ANOS1: variants seen among roughly 807,000 people sequenced by gnomAD.
ANOS1 encodes anosmin 1.
ANOS1 carries 6 observed loss-of-function variants against 59.0 expected under a neutral mutation model. That is an observed-to-expected ratio of 0.10 (90% CI 0.06 to 0.20). The LOEUF is 0.20. ANOS1 is among the 10% of genes least tolerant of loss of function. The probability of loss-of-function intolerance (pLI) is 1.00; values close to 1 mark genes in which losing one functional copy is unlikely to be tolerated. For missense variants in ANOS1, 433 were observed against 542.3 expected, an observed-to-expected ratio of 0.80 and a Z score of 2.00; for synonymous variants, 217 against 223.4, an observed-to-expected ratio of 0.97 and a Z score of 0.25.
rs1459592853 is a variant in ANOS1 at position 8,532,126 on chromosome X, T to C, written c.*869A>G. ...TGCTCAATAGTTGGGATTTTTTCAT[T>C]TGAAGCAAGAAGTTTTGTGAATTTT... On this transcript the variant is annotated 3_prime_UTR_variant, in exon 14 of 14. Coordinates refer to ENST00000262648, the MANE Select transcript of ANOS1 (RefSeq NM_000216.4). 1 of 112,122 alleles carries C rather than the reference T, an allele frequency of 8.9e-6. No homozygotes were observed. The highest frequency in any genetic ancestry group is 3.2e-5 in the African/African-American group (1 of 30,903). The allele number at this position is 112,122 out of a possible 1,213,427, so 9.2% of individuals were successfully genotyped here.
At chrX:8,624,547 T>G (rs1028529238) in intron 2 of ANOS1, among the ~76,000 whole-genome samples, 1 of 111,094 alleles carries the variant, frequency 9.0e-6, no homozygotes, top group Non-Finnish European at 1.9e-5. Flanking sequence ...GTTTAATCAC[T>G]CCATTAAAAT....
intron 3 of ANOS1, among the ~76,000 whole-genome samples, chrX:8,619,379 G>T (rs1227131244): frequency 9.0e-6 from 1 of 111,700 alleles, no homozygotes; most frequent in Non-Finnish European, 1.9e-5. Flanking sequence ...GCCAAGGCGG[G>T]CGGATCACAA....
At chrX:8,662,509 ACATTT>A (rs1932056401) in intron 2 of ANOS1, among the ~76,000 whole-genome samples, 1 of 112,027 alleles carries the variant, frequency 8.9e-6, no homozygotes, top group African/African-American at 3.2e-5. Context: ...TGCTCCAATA[ACATTT>A]CATGTGGGAT....
At chrX:8,626,608 C>T (rs1931397958) in intron 2 of ANOS1, among the ~76,000 whole-genome samples, 1 of 110,681 alleles carries the variant, frequency 9.0e-6, no homozygotes, top group African/African-American at 3.3e-5. Flanking sequence ...GCCTGTAATC[C>T]CAGCACTTTG....
intron 2 of ANOS1, among the ~76,000 whole-genome samples, chrX:8,659,337 G>C (rs1931987994): frequency 9.0e-6 from 1 of 111,111 alleles, no homozygotes; most frequent in African/African-American, 3.3e-5. Flanking sequence ...AATGTGACCA[G>C]GAAGTAGAAG....
intron 4 of ANOS1, among the ~76,000 whole-genome samples, chrX:8,591,075 C>T (rs767768343): frequency 2.7e-5 from 3 of 111,666 alleles, no homozygotes; most frequent in Non-Finnish European, 5.6e-5. Flanking sequence ...AATTCCTGAT[C>T]GGAGAGAAAA....
Position 8,554,023 on chromosome X carries a change from G to A in ANOS1, c.1283C>T (p.Pro428Leu), listed in dbSNP as rs148736113. 493 of 1,203,333 alleles carry A rather than the reference G, an allele frequency of 4.1e-4. No homozygotes were observed. In the African/African-American group the frequency reaches 6.8e-3, roughly 17 times the overall value. Residue 428 changes from proline to leucine, a missense_variant, in exon 9 of 14, where the codon CCG becomes CTG. By Grantham distance (98) the Pro-to-Leu change is moderately conservative. Coordinates refer to ENST00000262648, the MANE Select transcript of ANOS1 (RefSeq NM_000216.4). ...LPFQRRRPTR[P>L]LEVGAPFYQD... The stretch of plus-strand genomic sequence containing the variant: ...ATAGAAGGGAGCTCCGACTTCCAGC[G>A]GGCGAGTGGGTCGTCGTCTTTGAAA...
chrX:8,536,546 A>G (rs1174272613), intron 11 of ANOS1, among the ~76,000 whole-genome samples: 1 of 111,584 alleles, frequency 9.0e-6, no homozygotes, highest in African/African-American at 3.3e-5. Context: ...TTCATTTCCA[A>G]AGGGATAACA....
chrX:8,674,632 G>A (rs1410122218), intron 2 of ANOS1, among the ~76,000 whole-genome samples: 1 of 112,450 alleles, frequency 8.9e-6, no homozygotes, highest in Non-Finnish European at 1.9e-5. Context: ...AATGTTTTAA[G>A]AAAGTTTACA....
chrX:8,575,880 G>C (rs901513773), intron 6 of ANOS1, among the ~76,000 whole-genome samples: 1 of 110,981 alleles, frequency 9.0e-6, no homozygotes, highest in Non-Finnish European at 1.9e-5. Flanking sequence ...GAGGCAGGAG[G>C]ATTGTTTGAG....
intron 1 of ANOS1, 131 bp downstream of exon 1, chrX:8,731,699 C>T (rs1569094042): frequency 1.9e-6 from 2 of 1,072,775 alleles, no homozygotes; most frequent in African/African-American, 2.0e-5. Flanking sequence ...GATCCACGCC[C>T]AGGGGAAGCC....
intron 2 of ANOS1, among the ~76,000 whole-genome samples, chrX:8,634,375 G>T (rs1442813283): frequency 2.7e-5 from 3 of 110,914 alleles, no homozygotes; most frequent in Admixed American, 9.7e-5. Context: ...AAAAGAAAAA[G>T]AAAAGGAAAA....
At chrX:8,635,477 A>G (rs1284332747) in intron 2 of ANOS1, among the ~76,000 whole-genome samples, 1 of 111,799 alleles carries the variant, frequency 8.9e-6, no homozygotes, top group Non-Finnish European at 1.9e-5. Flanking sequence ...AAGGAGGGGT[A>G]GGTGTCCTTT....
intron 2 of ANOS1, among the ~76,000 whole-genome samples, chrX:8,694,396 T>A (rs184701642): frequency 8.9e-6 from 1 of 112,780 alleles, no homozygotes; most frequent in Non-Finnish European, 1.9e-5. Flanking sequence ...AGGTCGGGCA[T>A]GGTGGCTCAC....
chrX:8,566,358 TATGA>T, intron 8 of ANOS1: 4 of 453,059 alleles, frequency 8.8e-6, no homozygotes, highest in African/African-American at 2.7e-5. Context: ...TGTGTGTGTG[TATGA>T]GTATGTATGT....
At chrX:8,657,989 C>A (rs1411820404) in intron 2 of ANOS1, among the ~76,000 whole-genome samples, 1 of 111,491 alleles carries the variant, frequency 9.0e-6, no homozygotes, top group Non-Finnish European at 1.9e-5. Flanking sequence ...TTCTCATCTA[C>A]TACCTCCTGT....
intron 2 of ANOS1, among the ~76,000 whole-genome samples, chrX:8,627,380 T>C (rs994493289): frequency 6.2e-5 from 7 of 112,170 alleles, no homozygotes; most frequent in Admixed American, 4.7e-4. Context: ...AAATACCTTA[T>C]ACAAAACAAA....
intron 8 of ANOS1, among the ~76,000 whole-genome samples, chrX:8,565,042 A>G (rs1005888729): frequency 8.9e-6 from 1 of 112,133 alleles, no homozygotes; most frequent in Non-Finnish European, 1.9e-5. Flanking sequence ...ACAGAGATCC[A>G]GGGTTCCATA....
chrX:8,709,237 G>A (rs1932797142), intron 1 of ANOS1, among the ~76,000 whole-genome samples: 1 of 107,620 alleles, frequency 9.3e-6, no homozygotes, highest in Admixed American at 1.0e-4. Context: ...TGAAAGTTCT[G>A]CACAGGTATC....
Sources: allele counts gnomAD v4.1 joint callset (sites outside exome capture counted in the v4.1 genomes callset), GRCh38; gene constraint gnomAD v4.1.1; transcripts MANE v1.5; gene names NCBI Gene and HGNC (gene_info 2026-07-23, HGNC 2026-07-21).